The following TICAM2 variants were observed in gnomAD, a reference collection of about 807,000 sequenced individuals.
The protein encoded by TICAM2 is TIR domain containing adaptor molecule 2.
A neutral mutation model predicts 7.3 loss-of-function variants in TICAM2; 8 were observed. The ratio of observed to expected loss-of-function variants is 1.10; its 90% CI spans 0.65 to 1.99. TICAM2 has a LOEUF of 1.99. Among genes scored for constraint, TICAM2 ranks in the 30% most tolerant of loss-of-function variants. TICAM2 has a pLI of 0.00. For synonymous variants in TICAM2, 113 were observed against 99.6 expected (o/e 1.13, Z -0.80); for missense variants, 304 against 278.8 (o/e 1.09, Z -0.65).
At position 115,578,899 on chromosome 5, in the gene TICAM2, T is replaced by C. The variant is rs1754815397; in HGVS notation, c.*1650A>G. On this transcript the variant is annotated 3_prime_UTR_variant, in exon 2 of 2. Transcript: ENST00000427199. ...AACCATCTCCTCCTCTAATAAGTAC[T>C]AACAGAATAGGAGGCTTGACTTACT... 1 of 152,600 alleles carries C rather than the reference T, an allele frequency of 6.6e-6. No individual in the cohort carries two copies. The highest frequency in any genetic ancestry group is 2.4e-5 in the African/African-American group (1 of 41,456). 9.5% of individuals were successfully genotyped at this position (152,600 alleles called of 1,614,324 possible).
chr5:115,580,636 T>C lies in TICAM2; in HGVS notation c.621A>G (p.Glu207=). The C allele has an allele frequency of 6.3e-7, 1 of 1,586,650 alleles. No homozygotes were observed. Among genetic ancestry groups the C allele is most frequent in the South Asian group, 1.2e-5 (1 of 85,756 alleles). ...EESRGFPTQV[E]RIFQESVYKT... ...TATACACAGACTCCTGAAAAATTCT[T>C]TCTACTTGTGTAGGAAATCCACGAC... The change falls in exon 2 of 2, where the codon GAA becomes GAG. Residue 207 remains glutamate (E), a synonymous_variant. Transcript: ENST00000427199.
intron 1 of TICAM2, among the ~76,000 whole-genome samples, chr5:115,585,753 G>T (rs1450404258): frequency 6.6e-6 from 1 of 152,182 alleles, no homozygotes; most frequent in East Asian, 1.9e-4. Flanking sequence ...AGAAGCCAGG[G>T]GAGGATTTTG....
At chr5:115,593,418 A>G (rs934592990) in intron 1 of TICAM2, among the ~76,000 whole-genome samples, 1 of 152,010 alleles carries the variant, frequency 6.6e-6, no homozygotes, top group Admixed American at 6.6e-5. Flanking sequence ...AAAAAATGTC[A>G]TTTTCCAATA....
intron 1 of TICAM2, among the ~76,000 whole-genome samples, chr5:115,600,006 T>C (rs1156750933): frequency 1.3e-5 from 2 of 152,136 alleles, no homozygotes; most frequent in East Asian, 1.9e-4. Flanking sequence ...TTCTCAATCA[T>C]GTAGGTAGGA....
In TICAM2 at chr5:115,580,617, C is replaced by T. The variant is rs200728911; in HGVS notation, c.640G>A (p.Val214Met). ...CATATAGTTTGTTGTGTCTTATACA[C>T]AGACTCCTGAAAAATTCTTTCTACT... ...TQVERIFQES[V>M]YKTQQTIWKE... is the part of the protein sequence containing the mutation. The change falls in exon 2 of 2, where the codon GTG (valine) becomes ATG (methionine). Residue 214 changes from valine to methionine, a missense_variant. Physicochemically the swap from Val to Met is conservative, Grantham distance 21. Coordinates refer to ENST00000427199, the MANE Select transcript of TICAM2 (RefSeq NM_021649.7). 1.9e-6 allele frequency: 3 copies of T among 1,594,536 alleles called. No individual in the cohort carries two copies. In the East Asian group the frequency reaches 6.7e-5, roughly 36 times the overall value.
intron 1 of TICAM2, among the ~76,000 whole-genome samples, chr5:115,584,808 T>C (rs1161476552): frequency 1.3e-5 from 2 of 152,122 alleles, no homozygotes; most frequent in Non-Finnish European, 2.9e-5. Flanking sequence ...GGAAGATCAA[T>C]AGGCCTGAGA....
In TICAM2 at chr5:115,580,502, C is replaced by G; in HGVS notation, c.*47G>C. ...ACTGCTTTCTCAAGTGAAGATTAAT[C>G]ATTTGGTTTACAAAACAAGAGCCAG... On this transcript the variant is annotated 3_prime_UTR_variant, in exon 2 of 2. Transcript: ENST00000427199. The G allele has an allele frequency of 6.7e-7, 1 of 1,503,276 alleles. No individual in the cohort carries two copies. The highest frequency in any genetic ancestry group is 8.9e-7 in the Non-Finnish European group (1 of 1,129,924). The allele number at this position is 1,503,276 out of a possible 1,614,324, so 93.1% of individuals were successfully genotyped here. A position where few individuals can be genotyped will look rare whatever the true frequency, so the allele number is the denominator to read the frequency against.
chr5:115,593,574 T>C (rs1469449640), intron 1 of TICAM2, among the ~76,000 whole-genome samples: 1 of 152,216 alleles, frequency 6.6e-6, no homozygotes, highest in African/African-American at 2.4e-5. Context: ...AAATATTCAA[T>C]ATAGTAAAGA....
chr5:115,588,730 T>C (rs967692241), intron 1 of TICAM2, among the ~76,000 whole-genome samples: 14 of 152,224 alleles, frequency 9.2e-5, no homozygotes, highest in African/African-American at 3.1e-4. Context: ...CAGCATCAGA[T>C]GTACTTACAC....
chr5:115,581,132 A>G lies in TICAM2; in HGVS notation c.125T>C (p.Leu42Ser). ...ATTGCTGTGCTCAGCAACATTACAC[A>G]AGGATAGATCTTCAGACTTCTTGGA... ...SDSKKSEDLS[L>S]CNVAEHSNTT... is the part of the protein sequence containing the mutation. The change falls in exon 2 of 2, where the codon TTG becomes TCG. Residue 42 changes from leucine to serine, a missense_variant. Coordinates refer to ENST00000427199, the MANE Select transcript of TICAM2 (RefSeq NM_021649.7). The G allele has an allele frequency of 6.2e-7, 1 of 1,614,108 alleles. No homozygotes were observed.
At chr5:115,595,995 G>A (rs1484954759) in intron 1 of TICAM2, among the ~76,000 whole-genome samples, 1 of 152,114 alleles carries the variant, frequency 6.6e-6, no homozygotes, top group Non-Finnish European at 1.5e-5. Flanking sequence ...GACCTGGAAG[G>A]TAGCTTGCAC....
Position 115,578,882 on chromosome 5 carries a change from C to T in TICAM2, c.*1667G>A, listed in dbSNP as rs1428529675. The T allele has an allele frequency of 6.6e-6, 1 of 152,476 alleles. No homozygotes were observed. Among genetic ancestry groups the T allele is most frequent in the Non-Finnish European group, 1.5e-5 (1 of 68,038 alleles). 9.4% of individuals were successfully genotyped at this position (152,476 alleles called of 1,614,324 possible). A position where few individuals can be genotyped will look rare whatever the true frequency, so the allele number is the denominator to read the frequency against. ...TGTCACTATGCAATGAAAACCATCT[C>T]CTCCTCTAATAAGTACTAACAGAAT... On this transcript the variant is annotated 3_prime_UTR_variant, in exon 2 of 2. Transcript: ENST00000427199.
At chr5:115,596,496 G>C (rs1176356575) in intron 1 of TICAM2, among the ~76,000 whole-genome samples, 1 of 152,198 alleles carries the variant, frequency 6.6e-6, no homozygotes, top group African/African-American at 2.4e-5. Context: ...GGGTCTGTAA[G>C]AGTTGTCAGA....
At chr5:115,590,826 ACT>A (rs1755274230) in intron 1 of TICAM2, among the ~76,000 whole-genome samples, 1 of 152,196 alleles carries the variant, frequency 6.6e-6, no homozygotes, top group Non-Finnish European at 1.5e-5. Flanking sequence ...AAGTTATTTA[ACT>A]CTCTATTATG....
intron 1 of TICAM2, among the ~76,000 whole-genome samples, chr5:115,583,894 G>A (rs1391530828): frequency 1.3e-5 from 2 of 152,198 alleles, no homozygotes; most frequent in Admixed American, 1.3e-4. Context: ...ATGAACACCA[G>A]GCTTAAAAAA....
At chr5:115,593,254 TAA>T (rs1398954996) in intron 1 of TICAM2, among the ~76,000 whole-genome samples, 7 of 152,100 alleles carry the variant, frequency 4.6e-5, no homozygotes, top group Non-Finnish European at 7.4e-5. Context: ...AAACTGGAAA[TAA>T]AAGAGTCTTC....
chr5:115,582,322 ATT>A (rs796347169), intron 1 of TICAM2, among the ~76,000 whole-genome samples: 3 of 130,426 alleles, frequency 2.3e-5, no homozygotes, highest in African/African-American at 2.8e-5. Flanking sequence ...CACCTGGCTA[ATT>A]TTTTTTTTTT....
At chr5:115,600,821 T>C (rs972124080) in intron 1 of TICAM2, among the ~76,000 whole-genome samples, 1 of 152,114 alleles carries the variant, frequency 6.6e-6, no homozygotes, top group Non-Finnish European at 1.5e-5. Flanking sequence ...TTTTTGTTTG[T>C]TATAAAAAGA....
intron 1 of TICAM2, among the ~76,000 whole-genome samples, chr5:115,584,504 CAT>C (rs1248618894): frequency 1.1e-4 from 16 of 152,214 alleles, no homozygotes; most frequent in Non-Finnish European, 1.3e-4. Context: ...AAAAGCATTT[CAT>C]ATGTGTGCAA....
Sources: gnomAD v4.1 joint callset for allele counts (sites outside exome capture counted in the v4.1 genomes callset) on GRCh38, gnomAD v4.1.1 for gene constraint, MANE v1.5 for transcripts, NCBI Gene and HGNC (gene_info 2026-07-23, HGNC 2026-07-21) for gene names.